Variants in PML observed in about 807,000 individuals in gnomAD.
The protein encoded by PML is protein PML.
Under a neutral mutation model 65.2 loss-of-function variants are expected in PML, and 28 were observed. The observed-to-expected ratio is 0.43, with a 90% confidence interval of 0.32 to 0.59. The LOEUF (loss-of-function observed/expected upper bound fraction) is 0.59, where lower values mean the gene tolerates loss of function less well. Among genes scored for constraint, PML ranks in the 20% least tolerant of loss-of-function variants. PML has a pLI of 0.08. For synonymous variants in PML, 500 were observed against 508.8 expected, an observed-to-expected ratio of 0.98 and a Z score of 0.23; for missense variants, 1,021 against 1,203.4, an observed-to-expected ratio of 0.85 and a Z score of 2.24.
intron 7 of PML, 186 bp downstream of exon 7, chr15:74,034,716 C>T (rs2071468280): frequency 6.6e-7 from 1 of 1,516,886 alleles, no homozygotes. Context: ...ACCACCCCAG[C>T]CCTCCCACTA....
intron 2 of PML, among the ~76,000 whole-genome samples, chr15:74,016,509 G>A (rs78521793): frequency 0.044 from 6,672 of 152,036 alleles, 182 homozygotes; most frequent in African/African-American, 0.069. Context: ...ACCTAGATGG[G>A]ATGTTCTTTG....
intron 3 of PML, among the ~76,000 whole-genome samples, chr15:74,023,926 C>T (rs560796206): frequency 2.9e-4 from 44 of 152,266 alleles, no homozygotes; most frequent in Non-Finnish European, 2.2e-4. Flanking sequence ...CCAACCTTTG[C>T]GCGCCCTGCC....
Position 74,002,318 on chromosome 15 carries a change from G to A in PML, c.602+3842G>A, listed in dbSNP as rs1242860342. ...CATATATATACATACACAAATATAT[G>A]TATATAATATATATGTGTATATATG... On this transcript the variant is annotated intron_variant, in intron 2 of 8. Transcript: ENST00000268058. 2.0e-5 allele frequency among the ~76,000 whole-genome samples: 3 copies of A among 151,050 alleles called. No homozygotes were observed. The East Asian group carries it at 5.8e-4, about 29-fold the overall frequency.
Position 73,998,279 on chromosome 15 carries a change from G to C in PML, c.405G>C (p.Ser135=). 1.9e-6 allele frequency: 3 copies of C among 1,614,178 alleles called. No individual in the cohort carries two copies. Among genetic ancestry groups the C allele is most frequent in the Non-Finnish European group, 2.5e-6 (3 of 1,180,028 alleles). The part of the protein sequence containing the change: ...AQAVCTRCKE[S]ADFWCFECEQ... ...CTGTGTGCACCCGCTGCAAAGAGTC[G>C]GCCGACTTCTGGTGCTTTGAGTGCG... The change falls in exon 2 of 9, where the codon TCG becomes TCC. Residue 135 remains serine, a synonymous_variant. Transcript: ENST00000268058.
At position 74,037,751 on chromosome 15, in the gene PML, GCT is replaced by G. The variant is rs370851902; in HGVS notation, c.1710+3224_1710+3225del. On this transcript the variant is annotated intron_variant, in intron 7 of 8. Transcript: ENST00000268058. This position sits in a 1 kb window ranked among gnomAD's most constrained non-coding sequence, Gnocchi z 4.2. ...GGGCACTCCTCCCTCTCCTCTGCAGGCTCTGTTTTTTCTTGGTTGTGGTGCTC... is the reference window on the plus strand; with the variant it reads ...GGGCACTCCTCCCTCTCCTCTGCAGGCTGTTTTTTCTTGGTTGTGGTGCTC... 2.8e-5 allele frequency: 27 copies of G among 981,548 alleles called. No homozygotes were observed. The highest frequency in any genetic ancestry group is 5.2e-4 in the Middle Eastern group (1 of 1,906). The allele number at this position is 981,548 out of a possible 1,614,324, so 60.8% of individuals were successfully genotyped here. A position where few individuals can be genotyped will look rare whatever the true frequency, so the allele number is the denominator to read the frequency against.
chr15:74,020,843 TC>T (rs1431422093), intron 2 of PML, among the ~76,000 whole-genome samples: 1 of 152,108 alleles, frequency 6.6e-6, no homozygotes. Flanking sequence ...ATCACAACAT[TC>T]CCACCTCTGC....
intron 2 of PML, among the ~76,000 whole-genome samples, chr15:74,022,540 G>C (rs1407123364): frequency 6.6e-6 from 1 of 152,208 alleles, no homozygotes; most frequent in Non-Finnish European, 1.5e-5. Context: ...TTCCTCGGTG[G>C]GGAAGGGAAA....
chr15:74,015,448 T>G (rs900132437), intron 2 of PML, among the ~76,000 whole-genome samples: 9 of 151,850 alleles, frequency 5.9e-5, no homozygotes, highest in Non-Finnish European at 1.5e-5. Flanking sequence ...TAGAGGAGAG[T>G]TTTTGGTCAC....
intron 3 of PML, among the ~76,000 whole-genome samples, chr15:74,023,767 G>C (rs933888874): frequency 1.3e-5 from 2 of 152,158 alleles, no homozygotes; most frequent in African/African-American, 4.8e-5. Flanking sequence ...TTAAGCCACC[G>C]GTGTCTCGGA....
rs1185108539 is a variant in PML, at chr15:74,044,509, G to A, written c.2150G>A (p.Arg717His). 1.8e-5 allele frequency: 29 copies of A among 1,613,966 alleles called. No individual in the cohort carries two copies. The Admixed American group carries it at 2.2e-4, about 12-fold the overall frequency. ...GCTGCCCTGCCTCTCATCCGGGAGCGTGTGCCCGGGGCCAGCAGCTTCAAA... is the reference window on the plus strand; with the variant it reads ...GCTGCCCTGCCTCTCATCCGGGAGCATGTGCCCGGGGCCAGCAGCTTCAAA... ...FLAALPLIRE[R>H]VPGASSFKLK... Residue 717 changes from arginine (R) to histidine (H), a missense_variant, in exon 9 of 9, where the codon CGT (arginine) becomes CAT (histidine). Arg to His is a conservative substitution (Grantham distance 29). Coordinates refer to ENST00000268058, the MANE Select transcript of PML (RefSeq NM_033238.3).
chr15:74,043,216 T>C lies in PML; in HGVS notation c.1861+77T>C. 6.2e-7 allele frequency: 1 copy of C among 1,613,278 alleles called. No individual in the cohort carries two copies. Among genetic ancestry groups the C allele is most frequent in the Non-Finnish European group, 8.5e-7 (1 of 1,179,686 alleles). On this transcript the variant is annotated intron_variant, in intron 8 of 8. Coordinates refer to ENST00000268058, the MANE Select transcript of PML (RefSeq NM_033238.3). This position sits in a 1 kb window ranked among gnomAD's most constrained non-coding sequence, Gnocchi z 4.3. The stretch of plus-strand genomic sequence containing the variant: ...CCAAAAAGAAGTGCAGGCAGAGCCA[T>C]CTGCCAGGCCCAGGAGAGCTCTGAG...
At chr15:74,019,861 C>A (rs2070757564) in intron 2 of PML, among the ~76,000 whole-genome samples, 1 of 152,226 alleles carries the variant, frequency 6.6e-6, no homozygotes, top group African/African-American at 2.4e-5. Context: ...AGAGCTTCCT[C>A]AATGGCTTAC....
chr15:73,995,869 C>G (rs2069466654), intron 1 of PML, among the ~76,000 whole-genome samples: 1 of 152,054 alleles, frequency 6.6e-6, no homozygotes, highest in Non-Finnish European at 1.5e-5. Flanking sequence ...ATTCTCCTGC[C>G]TCAGCCTCCC....
intron 4 of PML, chr15:74,025,509 C>A: frequency 6.1e-6 from 1 of 163,974 alleles, no homozygotes; most frequent in Non-Finnish European, 1.4e-5. Flanking sequence ...TCCAGGGCCA[C>A]CATACATGTA....
chr15:73,999,609 CT>C (rs1209971599), intron 2 of PML, among the ~76,000 whole-genome samples: 1 of 152,092 alleles, frequency 6.6e-6, no homozygotes, highest in Non-Finnish European at 1.5e-5. Flanking sequence ...TGTTTAGGTC[CT>C]TTGCCTGTTG....
At chr15:74,044,159 T>A (rs1277769780) in intron 8 of PML, 62 bp from the exon 9 acceptor site, 2 of 1,565,294 alleles carry the variant, frequency 1.3e-6, no homozygotes, top group East Asian at 4.5e-5. Flanking sequence ...GAGGACCCCC[T>A]GCTCCCACCC....
At position 74,024,882 on chromosome 15, in the gene PML, C is replaced by T. The variant is rs1387325422; in HGVS notation, c.1209C>T (p.Ser403=). 2.5e-6 allele frequency: 4 copies of T among 1,613,870 alleles called. No individual in the cohort carries two copies. The Admixed American group carries it at 5.0e-5, about 20-fold the overall frequency. ...GKDAAVSKKA[S]PEAASTPRDP... ...ATGCAGCTGTATCCAAGAAAGCCAG[C>T]CCAGAGGCTGCCAGCACTCCCAGGG... Residue 403 remains serine (S), a synonymous_variant, in exon 4 of 9, where the codon AGC becomes AGT. Coordinates refer to ENST00000268058, the MANE Select transcript of PML (RefSeq NM_033238.3).
At chr15:74,044,009 G>A (rs1595923512) in intron 8 of PML, among the ~76,000 whole-genome samples, 1 of 152,176 alleles carries the variant, frequency 6.6e-6, no homozygotes, top group African/African-American at 2.4e-5. Flanking sequence ...GGTGAACAAA[G>A]TGTTTGGAGG....
At position 74,046,368 on chromosome 15, in the gene PML, C is replaced by A; in HGVS notation, c.*1360C>A. 1 of 233,194 alleles carries A rather than the reference C, an allele frequency of 4.3e-6. No homozygotes were observed. Among genetic ancestry groups the A allele is most frequent in the Non-Finnish European group, 8.5e-6 (1 of 118,002 alleles). 14.4% of individuals were successfully genotyped at this position (233,194 alleles called of 1,614,324 possible). On this transcript the variant is annotated 3_prime_UTR_variant, in exon 9 of 9. Transcript: ENST00000268058. ...TCCTTCCCATCCCTACTCATTAGCT[C>A]CCTGCTCCTGGGATGCTTCCCAAGC... is the stretch of plus-strand genomic sequence containing the variant.
Sources: gnomAD v4.1 joint callset for allele counts (sites outside exome capture counted in the v4.1 genomes callset) on GRCh38, gnomAD v4.1.1 for gene constraint, Gnocchi (gnomAD v3.1) non-coding constraint, MANE v1.5 for transcripts, NCBI Gene and HGNC (gene_info 2026-07-23, HGNC 2026-07-21) for gene names.